UBOX5: variants seen among roughly 807,000 people sequenced by gnomAD.
UBOX5 encodes the protein RING finger protein 37.
In UBOX5, 28 loss-of-function variants were observed where a neutral mutation model predicts 39.0. The observed-to-expected ratio is 0.72, with a 90% CI of 0.53 to 0.98. UBOX5 has a LOEUF of 0.98. Ranked by LOEUF, UBOX5 falls within the 50% of genes least tolerant of loss-of-function variation. The pLI is 0.00. For missense variants in UBOX5, 585 were observed against 674.4 expected (o/e 0.87, Z 1.47); for synonymous variants, 283 against 275.5 (o/e 1.03, Z -0.27).
At chr20:3,110,728 T>C (rs1256512583) in intron 4 of UBOX5, 1 of 247,500 alleles carries the variant, frequency 4.0e-6, no homozygotes, top group Non-Finnish European at 8.0e-6. Flanking sequence ...GTCAGTGGGG[T>C]GGCTCAAGCC....
At position 3,122,175 on chromosome 20, in the gene UBOX5, A is replaced by C; in HGVS notation, c.464T>G (p.Val155Gly). The C allele has an allele frequency of 6.2e-7, 1 of 1,614,098 alleles. No individual in the cohort carries two copies. The highest frequency in any genetic ancestry group is 8.5e-7 in the Non-Finnish European group (1 of 1,180,004). ...CCCTTTATTCCAGAGCTCCTGGGCC[A>C]CAACAGCAGGGGAGGGGAGTGTGGC... ...MEATLPSPAVVAQELWNKGAL... is the reference protein window; with the variant it reads ...MEATLPSPAVGAQELWNKGAL... The change falls in exon 3 of 5, where the codon GTG becomes GGG. Residue 155 changes from valine (V) to glycine (G), a missense_variant. Transcript: ENST00000217173.
intron 4 of UBOX5, among the ~76,000 whole-genome samples, chr20:3,113,241 T>C (rs1367024831): frequency 2.7e-5 from 4 of 149,038 alleles, no homozygotes; most frequent in East Asian, 3.9e-4. Flanking sequence ...TGAGCCGAGA[T>C]TGCGCCATTG....
rs970084580 is a variant in UBOX5 at position 3,138,316 on chromosome 20, C to T, written c.-41-14910G>A. Among the ~76,000 whole-genome samples the T allele has an allele frequency of 2.6e-5, 4 of 151,290 alleles. No individual in the cohort carries two copies. The East Asian group carries it at 7.7e-4, about 29-fold the overall frequency. On this transcript the variant is annotated intron_variant, in intron 1 of 4. Coordinates refer to ENST00000217173, the MANE Select transcript of UBOX5 (RefSeq NM_014948.4). ...GTATTATGAAAGTATTATGATCATACATTTGTTAAAAATCTATGTCTAGGA... is the reference window on the plus strand; with the variant it reads ...GTATTATGAAAGTATTATGATCATATATTTGTTAAAAATCTATGTCTAGGA...
At chr20:3,146,974 A>T in intron 1 of UBOX5, 1 of 1,614,198 alleles carries the variant, frequency 6.2e-7, no homozygotes. Flanking sequence ...TTGTGAACTG[A>T]ACAGCCAGCT....
Position 3,149,949 on chromosome 20 carries a change from G to A in UBOX5, c.-42+9817C>T, listed in dbSNP as rs1333948023. 1.3e-5 allele frequency among the ~76,000 whole-genome samples: 2 copies of A among 151,424 alleles called. No homozygotes were observed. The highest frequency in any genetic ancestry group is 2.4e-5 in the African/African-American group (1 of 41,128). ...CAGGAGAATCCCTTGAACCCAGGAG[G>A]CAGAGGTTGCGGTGAGCCAAGACCG... On this transcript the variant is annotated intron_variant, in intron 1 of 4. Transcript: ENST00000217173. This position sits in a 1 kb window ranked among gnomAD's most constrained non-coding sequence, Gnocchi z 4.1.
intron 1 of UBOX5, among the ~76,000 whole-genome samples, chr20:3,127,410 C>T (rs2066399523): frequency 6.6e-6 from 1 of 152,204 alleles, no homozygotes; most frequent in Non-Finnish European, 1.5e-5. Flanking sequence ...TGTCTATTAT[C>T]TCAGCTTAGC....
intron 1 of UBOX5, among the ~76,000 whole-genome samples, chr20:3,130,199 G>A: frequency 6.6e-6 from 1 of 151,130 alleles, no homozygotes; most frequent in Non-Finnish European, 1.5e-5. Flanking sequence ...CATCCAGACT[G>A]GGTGACAGAG....
At chr20:3,136,874 C>T (rs1012764882) in intron 1 of UBOX5, among the ~76,000 whole-genome samples, 6 of 152,028 alleles carry the variant, frequency 3.9e-5, no homozygotes, top group African/African-American at 1.4e-4. Context: ...CCAGGATTAT[C>T]TCAATCTCCT....
chr20:3,140,543 T>C (rs568119644), intron 1 of UBOX5, among the ~76,000 whole-genome samples: 9 of 152,206 alleles, frequency 5.9e-5, no homozygotes, highest in Admixed American at 3.9e-4. Context: ...CCTTTCCCTC[T>C]CCTCCATGGC....
chr20:3,140,964 G>A (rs1019887493), intron 1 of UBOX5, among the ~76,000 whole-genome samples: 4 of 146,420 alleles, frequency 2.7e-5, no homozygotes, highest in Non-Finnish European at 5.9e-5. Flanking sequence ...TGTCACCCAG[G>A]CTTGAGTGCA....
chr20:3,148,081 AG>A, intron 1 of UBOX5: 1 of 1,614,184 alleles, frequency 6.2e-7, no homozygotes, highest in East Asian at 2.2e-5. Flanking sequence ...CAGAGAGATT[AG>A]TACTTGATTT....
chr20:3,115,116 C>T (rs2066283159), intron 4 of UBOX5, among the ~76,000 whole-genome samples, 189 bp downstream of exon 4: 1 of 152,134 alleles, frequency 6.6e-6, no homozygotes, highest in Admixed American at 6.5e-5. Context: ...AGTTTAAGTT[C>T]ATAGGCAGCC....
In UBOX5 at chr20:3,149,109, A is replaced by T. The variant is rs757345675; in HGVS notation, c.-42+10657T>A. On this transcript the variant is annotated intron_variant, in intron 1 of 4. Transcript: ENST00000217173. The surrounding 1 kb of genome is among the most constrained non-coding windows in gnomAD (Gnocchi z 4.1). ...TTGATCTCTTTGGCAGTCAGAATAC[A>T]GTCCTCACAGATTTGACCAGGCAAT... 1.9e-6 allele frequency: 3 copies of T among 1,562,960 alleles called. No homozygotes were observed. The highest frequency in any genetic ancestry group is 1.4e-5 in the African/African-American group (1 of 73,508).
chr20:3,137,666 CATTT>C (rs891723486), intron 1 of UBOX5, among the ~76,000 whole-genome samples: 2 of 152,248 alleles, frequency 1.3e-5, no homozygotes, highest in African/African-American at 4.8e-5. Flanking sequence ...TGCATGCATT[CATTT>C]GTGTGTGCCT....
At chr20:3,117,339 C>A (rs2066301570) in intron 3 of UBOX5, among the ~76,000 whole-genome samples, 1 of 150,164 alleles carries the variant, frequency 6.7e-6, no homozygotes, top group Non-Finnish European at 1.5e-5. Flanking sequence ...TACAGTCCAA[C>A]CCCACTAATG....
intron 1 of UBOX5, among the ~76,000 whole-genome samples, chr20:3,126,689 G>C (rs534621476): frequency 6.6e-6 from 1 of 151,114 alleles, no homozygotes; most frequent in Non-Finnish European, 1.5e-5. Flanking sequence ...GGGAGGGAGG[G>C]AAGAAAGGAA....
intron 1 of UBOX5, among the ~76,000 whole-genome samples, chr20:3,151,220 C>T (rs1367985788): frequency 6.6e-6 from 1 of 152,138 alleles, no homozygotes; most frequent in African/African-American, 2.4e-5. Context: ...GACCATTCTG[C>T]CCACCAAATT....
rs1055581087 is a variant in UBOX5, at chr20:3,149,973, C to T, written c.-42+9793G>A. The stretch of plus-strand genomic sequence containing the variant: ...GGCAGAGGTTGCGGTGAGCCAAGAC[C>T]GTGCCACTGCACTCCAGCCTAGGCG... On this transcript the variant is annotated intron_variant, in intron 1 of 4. Transcript: ENST00000217173. This position sits in a 1 kb window ranked among gnomAD's most constrained non-coding sequence, Gnocchi z 4.1. Among the ~76,000 whole-genome samples the T allele has an allele frequency of 6.6e-6, 1 of 150,564 alleles. No individual in the cohort carries two copies. The highest frequency in any genetic ancestry group is 2.4e-5 in the African/African-American group (1 of 40,824).
Position 3,149,150 on chromosome 20 carries a change from T to C in UBOX5, c.-42+10616A>G. 3.4e-6 allele frequency: 5 copies of C among 1,482,750 alleles called. No homozygotes were observed. The highest frequency in any genetic ancestry group is 1.3e-5 in the South Asian group (1 of 74,110). The allele number at this position is 1,482,750 out of a possible 1,614,324, so 91.8% of individuals were successfully genotyped here. A position where few individuals can be genotyped will look rare whatever the true frequency, so the allele number is the denominator to read the frequency against. ...ACCAGGCAATTTCTTGTTTATATGG[T>C]GCTTGATTAGAGCTGGACGGGGAGG... On this transcript the variant is annotated intron_variant, in intron 1 of 4. Transcript: ENST00000217173. The surrounding 1 kb of genome is among the most constrained non-coding windows in gnomAD (Gnocchi z 4.1).
Sources: gnomAD v4.1 joint callset for allele counts (sites outside exome capture counted in the v4.1 genomes callset) on GRCh38, gnomAD v4.1.1 for gene constraint, Gnocchi (gnomAD v3.1) non-coding constraint, MANE v1.5 for transcripts, NCBI Gene and HGNC (gene_info 2026-07-23, HGNC 2026-07-21) for gene names.